The following EMC1 variants were observed in gnomAD, a reference collection of about 807,000 sequenced individuals.
The protein encoded by EMC1 is KIAA0090.
In EMC1, 103 loss-of-function variants were observed where a neutral mutation model predicts 128.8. That is an observed-to-expected ratio of 0.80 (90% CI 0.68 to 0.94). The LOEUF (loss-of-function observed/expected upper bound fraction) is 0.94. EMC1 is among the 40% of genes least tolerant of loss of function. The pLI, the probability that EMC1 is intolerant of heterozygous loss-of-function variation, is 0.00. For missense variants in EMC1, 1,083 were observed against 1,250.6 expected (o/e 0.87, Z 2.02); for synonymous variants, 442 against 490.4 (o/e 0.90, Z 1.30).
chr1:19,219,939 G>A (rs1402127939), intron 21 of EMC1: 1 of 499,168 alleles, frequency 2.0e-6, no homozygotes, highest in Non-Finnish European at 3.6e-6. Context: ...AATCTGAAAA[G>A]AAAGAACATA....
At chr1:19,245,408 T>A (rs1450298112) in intron 1 of EMC1, among the ~76,000 whole-genome samples, 1 of 151,964 alleles carries the variant, frequency 6.6e-6, no homozygotes, top group Non-Finnish European at 1.5e-5. Flanking sequence ...ACCATTGCAC[T>A]TCAGCCTGGG....
At chr1:19,242,096 C>A (rs1201746805) in intron 5 of EMC1, among the ~76,000 whole-genome samples, 1 of 152,128 alleles carries the variant, frequency 6.6e-6, no homozygotes, top group African/African-American at 2.4e-5. Flanking sequence ...GTGAGTGGCT[C>A]CCGTAGCATG....
chr1:19,237,708 G>A (rs710882), intron 11 of EMC1, among the ~76,000 whole-genome samples: 28,978 of 152,110 alleles, frequency 0.19, 3,573 homozygotes, highest in African/African-American at 0.34. Flanking sequence ...TATGGTACTC[G>A]ATCCCACCAG....
chr1:19,228,410 T>C (rs1259081505), intron 17 of EMC1, among the ~76,000 whole-genome samples: 2 of 152,292 alleles, frequency 1.3e-5, no homozygotes, highest in South Asian at 2.1e-4. Context: ...TTTATGGTCA[T>C]AGGAAACCAA....
At position 19,234,168 on chromosome 1, in the gene EMC1, A is replaced by C. The variant is rs950225886; in HGVS notation, c.1432+962T>G. On this transcript the variant is annotated intron_variant, in intron 13 of 22. Transcript: ENST00000477853. ...GGCAACGAGCAACAAGGCAGCAAGAAGCAGGTTTTACCTTGAATTGCTGGA... is the reference window on the plus strand; with the variant it reads ...GGCAACGAGCAACAAGGCAGCAAGACGCAGGTTTTACCTTGAATTGCTGGA... The C allele has an allele frequency of 4.1e-6, 4 of 985,088 alleles. No homozygotes were observed. The African/African-American group carries it at 5.2e-5, about 13-fold the overall frequency. The allele number at this position is 985,088 out of a possible 1,614,324, so 61.0% of individuals were successfully genotyped here.
Position 19,239,138 on chromosome 1 carries a change from C to T in EMC1, c.1026+93G>A, listed in dbSNP as rs184681093. On this transcript the variant is annotated intron_variant, in intron 9 of 22. Transcript: ENST00000477853. Reference sequence around the variant, plus strand: ...TCCTGCCCGCTGGGTTCAAACTGACCAGGTCAATGTGCCCAGACTTCTGAT... The same window carrying T: ...TCCTGCCCGCTGGGTTCAAACTGACTAGGTCAATGTGCCCAGACTTCTGAT... 5.2e-5 allele frequency: 63 copies of T among 1,220,722 alleles called. No individual in the cohort carries two copies. The African/African-American group carries it at 8.8e-4, about 17-fold the overall frequency. 75.6% of individuals were successfully genotyped at this position (1,220,722 alleles called of 1,614,324 possible). A position where few individuals can be genotyped will look rare whatever the true frequency, so the allele number is the denominator to read the frequency against.
chr1:19,219,491 C>T lies in EMC1; in HGVS notation c.2803-9G>A, dbSNP rs745344544. ...AAACCATAGGCCACAACCTGGAAGG[C>T]AGATGGAATAAGAATTAGGAAAGAA... On this transcript the variant is annotated splice_polypyrimidine_tract_variant and intron_variant, in intron 22 of 22. Coordinates refer to ENST00000477853, the MANE Select transcript of EMC1 (RefSeq NM_015047.3). 1.2e-6 allele frequency: 2 copies of T among 1,613,910 alleles called. No individual in the cohort carries two copies. The highest frequency in any genetic ancestry group is 1.7e-5 in the Admixed American group (1 of 59,976).
chr1:19,223,495 G>A lies in EMC1; in HGVS notation c.2277C>T (p.Ile759=), dbSNP rs710871. 7.4e-3 allele frequency: 11,942 copies of A among 1,614,108 alleles called. 662 individuals are homozygous for A. The African/African-American group carries it at 0.12, about 17-fold the overall frequency. ...GCCCAGTGACGCCATCAATGAGGAA[G>A]ATGCCAATAAAGGTGCGCTCATGGT... is the stretch of plus-strand genomic sequence containing the variant. ...DAHHERTFIG[I]FLIDGVTGRI... is the part of the protein sequence containing the mutation. Residue 759 remains isoleucine (I), a synonymous_variant, in exon 19 of 23, where the codon ATC becomes ATT. Coordinates refer to ENST00000477853, the MANE Select transcript of EMC1 (RefSeq NM_015047.3).
Position 19,239,804 on chromosome 1 carries a change from T to C in EMC1, c.954+14A>G, listed in dbSNP as rs539533451. ...ATCTCCTGAATCCTAGCAAACCATG[T>C]TGCCTGCAGTTACCTGTGGGAAGTT... On this transcript the variant is annotated intron_variant, in intron 8 of 22. Transcript: ENST00000477853. 4 of 1,612,984 alleles carry C rather than the reference T, an allele frequency of 2.5e-6. No homozygotes were observed. Among genetic ancestry groups the C allele is most frequent in the Admixed American group, 1.7e-5 (1 of 59,790 alleles).
Position 19,238,007 on chromosome 1 carries a change from T to C in EMC1, c.1212+10A>G, listed in dbSNP as rs758471518. 1 of 1,612,848 alleles carries C rather than the reference T, an allele frequency of 6.2e-7. No individual in the cohort carries two copies. Among genetic ancestry groups the C allele is most frequent in the Non-Finnish European group, 8.5e-7 (1 of 1,179,514 alleles). Reference sequence around the variant, plus strand: ...CACAGGACAGTCTGCAAAGAAAGGCTCTGCCTTACCCGCTCAGGCCGAGTG... The same window carrying C: ...CACAGGACAGTCTGCAAAGAAAGGCCCTGCCTTACCCGCTCAGGCCGAGTG... On this transcript the variant is annotated intron_variant, in intron 11 of 22. Transcript: ENST00000477853.
chr1:19,240,322 C>T lies in EMC1; in HGVS notation c.761G>A (p.Trp254Ter). 2 of 1,614,198 alleles carry T rather than the reference C, an allele frequency of 1.2e-6. No individual in the cohort carries two copies. Among genetic ancestry groups the T allele is most frequent in the Non-Finnish European group, 1.7e-6 (2 of 1,180,026 alleles). The part of the protein sequence containing the change: ...SLQTLALETE[W>*]ELRQIPLQSL... ...CTGCAGTGGGATCTGTCTCAACTCC[C>T]ATTCCGTCTCCAGAGCCAAAGTTTG... The change falls in exon 7 of 23, where the codon TGG becomes TAG. Residue 254 changes from tryptophan to a stop codon, truncating the protein, a stop_gained. Coordinates refer to ENST00000477853, the MANE Select transcript of EMC1 (RefSeq NM_015047.3). LOFTEE classifies it high-confidence loss of function.
chr1:19,235,024 T>A (rs1572006986), intron 13 of EMC1, 106 bp downstream of exon 13: 1 of 1,369,240 alleles, frequency 7.3e-7, no homozygotes. Context: ...AGACTAGCAA[T>A]CTGCCCAGCC....
intron 2 of EMC1, 42 bp from the exon 3 acceptor site, chr1:19,244,057 G>A (rs1207919489): frequency 1.3e-6 from 2 of 1,593,052 alleles, no homozygotes; most frequent in African/African-American, 1.3e-5. Flanking sequence ...AACAAAAGGT[G>A]GCAACCCAGA....
chr1:19,248,745 A>G (rs576980255), intron 1 of EMC1, among the ~76,000 whole-genome samples: 1 of 152,150 alleles, frequency 6.6e-6, no homozygotes, highest in Non-Finnish European at 1.5e-5. Flanking sequence ...TCCTGGACTC[A>G]AGCCATCCAC....
intron 18 of EMC1, among the ~76,000 whole-genome samples, chr1:19,224,886 G>A (rs560886755): frequency 6.6e-6 from 1 of 152,200 alleles, no homozygotes; most frequent in South Asian, 2.1e-4. Context: ...ACACATACCA[G>A]GAGCACTTTG....
In EMC1 at chr1:19,219,186, TTC is replaced by T. The variant is rs940350853; in HGVS notation, c.*115_*116del. On this transcript the variant is annotated 3_prime_UTR_variant, in exon 23 of 23. Coordinates refer to ENST00000477853, the MANE Select transcript of EMC1 (RefSeq NM_015047.3). ...TGAAGGTCATCCATCTTCCCTACAG[TTC>T]TTAGCTGAGCACTGACACACACACA... 4 of 998,726 alleles carry T rather than the reference TTC, an allele frequency of 4.0e-6. No homozygotes were observed. In the African/African-American group the frequency reaches 6.4e-5, roughly 16 times the overall value. The allele number at this position is 998,726 out of a possible 1,614,324, so 61.9% of individuals were successfully genotyped here.
chr1:19,234,567 C>T (rs1471714092), intron 13 of EMC1, among the ~76,000 whole-genome samples: 2 of 152,208 alleles, frequency 1.3e-5, no homozygotes, highest in South Asian at 4.1e-4. Context: ...TTTATTCCCC[C>T]CAGGCGCAGC....
chr1:19,226,343 G>A (rs372120113), intron 18 of EMC1, among the ~76,000 whole-genome samples: 35 of 152,180 alleles, frequency 2.3e-4, no homozygotes, highest in Middle Eastern at 3.4e-3. Context: ...TGGGCTAGGC[G>A]CAGTGGCTCA....
rs766071446 is a variant in EMC1 at position 19,240,001 on chromosome 1, G to A, written c.787-16C>T. 1 of 1,606,052 alleles carries A rather than the reference G, an allele frequency of 6.2e-7. No individual in the cohort carries two copies. Among genetic ancestry groups the A allele is most frequent in the Non-Finnish European group, 8.5e-7 (1 of 1,174,674 alleles). ...AGTCGAGAGACTGGAAGGCAAGAAG[G>A]AGGAGGATTATGGCTAACAGCTGAC... On this transcript the variant is annotated splice_polypyrimidine_tract_variant and intron_variant, in intron 7 of 22. Coordinates refer to ENST00000477853, the MANE Select transcript of EMC1 (RefSeq NM_015047.3).
Sources: gnomAD v4.1 joint callset for allele counts (sites outside exome capture counted in the v4.1 genomes callset) on GRCh38, gnomAD v4.1.1 for gene constraint, MANE v1.5 for transcripts, NCBI Gene and HGNC (gene_info 2026-07-23, HGNC 2026-07-21) for gene names.